Variants in OTOGL observed in about 807,000 individuals in gnomAD.
The protein encoded by OTOGL is otogelin-like protein.
Under a neutral mutation model 318.5 loss-of-function variants are expected in OTOGL, and 285 were observed. The observed-to-expected ratio is 0.89, with a 90% CI of 0.81 to 0.99. OTOGL has a LOEUF of 0.99. OTOGL is among the 50% of genes least tolerant of loss of function. The pLI is 0.00. For missense variants in OTOGL, 2,899 were observed against 2,845.6 expected (o/e 1.02, Z -0.43); for synonymous variants, 987 against 936.5 (o/e 1.05, Z -0.99).
At chr12:80,334,835 G>A (rs772386953) in intron 38 of OTOGL, among the ~76,000 whole-genome samples, 18 of 152,196 alleles carry the variant, frequency 1.2e-4, no homozygotes, top group Non-Finnish European at 2.2e-4. Flanking sequence ...TGGTTCAGAT[G>A]TCTGTGAGGT....
intron 1 of OTOGL, among the ~76,000 whole-genome samples, chr12:80,207,084 C>CTT (rs35804019): frequency 6.6e-6 from 1 of 151,952 alleles, no homozygotes; most frequent in African/African-American, 2.4e-5. Context: ...TGCTTACTAA[C>CTT]TTTTTTTACC....
At chr12:80,377,253 A>G in intron 58 of OTOGL, 51 bp downstream of exon 58, 3 of 1,404,992 alleles carry the variant, frequency 2.1e-6, no homozygotes, top group South Asian at 1.3e-5. Flanking sequence ...CTTTTTAGAA[A>G]GTATGTGTGT....
intron 57 of OTOGL, among the ~76,000 whole-genome samples, chr12:80,374,417 T>A (rs1450220799): frequency 6.6e-6 from 1 of 152,168 alleles, no homozygotes; most frequent in Non-Finnish European, 1.5e-5. Flanking sequence ...ATGATAATTA[T>A]ATTGCAAAGA....
chr12:80,237,104 C>T (rs550252857), intron 9 of OTOGL, among the ~76,000 whole-genome samples: 70 of 152,114 alleles, frequency 4.6e-4, no homozygotes, highest in African/African-American at 1.7e-3. Context: ...CGTGAGTCAC[C>T]GCACCCAGCC....
Position 80,358,764 on chromosome 12 carries a change from C to T in OTOGL, c.6215C>T (p.Thr2072Ile), listed in dbSNP as rs568493821. Reference sequence around the variant, plus strand: ...AATGTATCTGGTCAATGTTGCCCAACATGGCACTGTGGTAACTAATTTTCA... The same window carrying T: ...AATGTATCTGGTCAATGTTGCCCAATATGGCACTGTGGTAACTAATTTTCA... ...KENVSGQCCP[T>I]WHCECNCENL... Residue 2072 changes from threonine to isoleucine, a missense_variant, in exon 51 of 59, where the codon ACA becomes ATA. Transcript: ENST00000547103. 5 of 1,606,416 alleles carry T rather than the reference C, an allele frequency of 3.1e-6. No individual in the cohort carries two copies. The highest frequency in any genetic ancestry group is 3.4e-6 in the Non-Finnish European group (4 of 1,173,844).
chr12:80,308,014 C>T (rs1225728415), intron 29 of OTOGL, among the ~76,000 whole-genome samples: 4 of 144,194 alleles, frequency 2.8e-5, no homozygotes, highest in Non-Finnish European at 6.1e-5. Flanking sequence ...GCGCCCCTCA[C>T]CTGCCGGACG....
At chr12:80,124,996 T>A (rs1413846671) in intron 1 of OTOGL, among the ~76,000 whole-genome samples, 1 of 152,236 alleles carries the variant, frequency 6.6e-6, no homozygotes, top group Non-Finnish European at 1.5e-5. Context: ...AGGGACAATT[T>A]GACTTCCTCT....
rs376086229 is a variant in OTOGL, at chr12:80,253,533, T to C, written c.1353T>C (p.Ala451=). 3.7e-6 allele frequency: 6 copies of C among 1,613,018 alleles called. No homozygotes were observed. Among genetic ancestry groups the C allele is most frequent in the Non-Finnish European group, 4.2e-6 (5 of 1,179,244 alleles). The stretch of plus-strand genomic sequence containing the variant: ...GCCCATGCGGTTTTCATGGATTAGC[T>C]TATTCAGTTGGTTCAAAAATTGAAC... ...ENCPCGFHGL[A]YSVGSKIEQE... Residue 451 remains alanine (A), a synonymous_variant, in exon 14 of 59, where the codon GCT becomes GCC. Transcript: ENST00000547103.
intron 1 of OTOGL, among the ~76,000 whole-genome samples, chr12:80,195,858 T>C (rs1201312044): frequency 6.6e-6 from 1 of 152,122 alleles, no homozygotes; most frequent in Non-Finnish European, 1.5e-5. Context: ...CACTACAAAG[T>C]AGGGTCCTCC....
chr12:80,252,070 T>C lies in OTOGL; in HGVS notation c.1160-6T>C. Reference sequence around the variant, plus strand: ...TGACTTAAGCTCCCCTGTTTGTCTGTTTTAGCTGATAAATGTGATGATAGC... The same window carrying C: ...TGACTTAAGCTCCCCTGTTTGTCTGCTTTAGCTGATAAATGTGATGATAGC... On this transcript the variant is annotated splice_polypyrimidine_tract_variant and splice_region_variant and intron_variant, in intron 12 of 58. Coordinates refer to ENST00000547103, the MANE Select transcript of OTOGL (RefSeq NM_001378609.3). 10 of 1,538,814 alleles carry C rather than the reference T, an allele frequency of 6.5e-6. No homozygotes were observed. The highest frequency in any genetic ancestry group is 6.1e-6 in the Non-Finnish European group (7 of 1,139,976).
chr12:80,246,205 T>C lies in OTOGL; in HGVS notation c.1053-5488T>C, dbSNP rs944143168. 4.0e-5 allele frequency among the ~76,000 whole-genome samples: 6 copies of C among 150,006 alleles called. 1 individual carries two copies. The highest frequency in any genetic ancestry group is 1.5e-4 in the African/African-American group (6 of 39,300). On this transcript the variant is annotated intron_variant, in intron 11 of 58. Coordinates refer to ENST00000547103, the MANE Select transcript of OTOGL (RefSeq NM_001378609.3). ...CCAGAACTTCCAACACTATGTTGAA[T>C]AGGAGCGGTGAGAGAGAGCATCCCT... is the stretch of plus-strand genomic sequence containing the variant.
At chr12:80,184,635 C>T (rs1188467189) in intron 1 of OTOGL, among the ~76,000 whole-genome samples, 1 of 152,088 alleles carries the variant, frequency 6.6e-6, no homozygotes, top group Non-Finnish European at 1.5e-5. Flanking sequence ...TTGAGATAAT[C>T]TGAGTGGGCC....
intron 11 of OTOGL, among the ~76,000 whole-genome samples, chr12:80,250,672 C>T (rs1308970897): frequency 6.6e-6 from 1 of 152,188 alleles, no homozygotes; most frequent in Non-Finnish European, 1.5e-5. Flanking sequence ...AGCTGCAGGA[C>T]TCCCATTACA....
At chr12:80,189,388 G>T (rs779843597) in intron 1 of OTOGL, 2 of 971,154 alleles carry the variant, frequency 2.1e-6, no homozygotes, top group African/African-American at 3.5e-5. Flanking sequence ...AGAGAATCCA[G>T]TCTTTGACCA....
chr12:80,363,909 G>GT (rs1192193320), intron 52 of OTOGL, among the ~76,000 whole-genome samples: 1 of 151,914 alleles, frequency 6.6e-6, no homozygotes. Context: ...CCTTAGCTCT[G>GT]TTTTTTATTT....
intron 1 of OTOGL, among the ~76,000 whole-genome samples, chr12:80,125,477 A>G (rs1870765808): frequency 6.6e-6 from 1 of 152,220 alleles, no homozygotes; most frequent in South Asian, 2.1e-4. Context: ...GATGTTCATC[A>G]GGGATATTGG....
At chr12:80,217,866 C>T (rs1051768588) in intron 5 of OTOGL, among the ~76,000 whole-genome samples, 10 of 152,182 alleles carry the variant, frequency 6.6e-5, no homozygotes, top group African/African-American at 2.4e-4. Flanking sequence ...AACATTTAGA[C>T]AAACCTGATA....
chr12:80,189,614 A>C lies in OTOGL; in HGVS notation c.-19-19799A>C, dbSNP rs74108548. 4.9e-3 allele frequency among the ~76,000 whole-genome samples: 739 copies of C among 152,316 alleles called. 6 individuals carry two copies. Among genetic ancestry groups the C allele is most frequent in the African/African-American group, 0.017 (703 of 41,570 alleles). ...ATAGATTGCAAAACTCATATTACTG[A>C]ATGTTGGGGCAGTTTAACACTAATG... On this transcript the variant is annotated intron_variant, in intron 1 of 58. Transcript: ENST00000547103.
chr12:80,122,161 A>C (rs1870525664), intron 1 of OTOGL, among the ~76,000 whole-genome samples: 1 of 152,172 alleles, frequency 6.6e-6, no homozygotes. Context: ...ACTAAAAAGA[A>C]AAAAAAGTAC....
Sources: allele counts gnomAD v4.1 joint callset (sites outside exome capture counted in the v4.1 genomes callset), GRCh38; gene constraint gnomAD v4.1.1; transcripts MANE v1.5; gene names NCBI Gene and HGNC (gene_info 2026-07-23, HGNC 2026-07-21).